The following MAGI2 variants were observed in gnomAD, a reference collection of about 807,000 sequenced individuals.
MAGI2 encodes membrane associated guanylate kinase, WW and PDZ domain containing 2.
In MAGI2, 35 loss-of-function variants were observed where a neutral mutation model predicts 133.3. The observed-to-expected ratio is 0.26, with a 90% CI of 0.20 to 0.35. MAGI2 has a LOEUF of 0.35. MAGI2 is among the 10% of genes least tolerant of loss of function. The pLI is 1.00. For missense variants in MAGI2, 1,636 were observed against 1,863.4 expected (o/e 0.88, Z 2.25); for synonymous variants, 729 against 710.6 (o/e 1.03, Z -0.41).
chr7:78,087,287 C>T (rs1048246255), intron 20 of MAGI2, among the ~76,000 whole-genome samples: 4 of 152,128 alleles, frequency 2.6e-5, no homozygotes, highest in East Asian at 3.9e-4. Flanking sequence ...ATCTTTTTGG[C>T]TGTATGCTCC....
At chr7:78,790,601 T>G (rs978557123) in intron 2 of MAGI2, among the ~76,000 whole-genome samples, 12 of 152,040 alleles carry the variant, frequency 7.9e-5, no homozygotes, top group African/African-American at 1.2e-4. Context: ...GCCCAGCTAA[T>G]TTTTGTATTT....
chr7:78,506,266 A>T (rs1261795133), intron 4 of MAGI2, among the ~76,000 whole-genome samples: 1 of 152,144 alleles, frequency 6.6e-6, no homozygotes, highest in Non-Finnish European at 1.5e-5. Flanking sequence ...CTGAGATTGG[A>T]AACAGGGAAG....
chr7:79,232,185 T>C (rs1831430683), intron 1 of MAGI2, among the ~76,000 whole-genome samples: 1 of 152,196 alleles, frequency 6.6e-6, no homozygotes, highest in Non-Finnish European at 1.5e-5. Context: ...TGCTGCTGGA[T>C]TCAGCTTGCC....
chr7:79,048,276 C>T (rs755928463), intron 1 of MAGI2, among the ~76,000 whole-genome samples: 13 of 152,108 alleles, frequency 8.5e-5, no homozygotes, highest in Admixed American at 8.5e-4. Context: ...TTAGAAAACA[C>T]ATTAAATTCC....
intron 9 of MAGI2, among the ~76,000 whole-genome samples, chr7:78,257,994 A>C (rs1206504137): frequency 6.6e-6 from 1 of 152,222 alleles, no homozygotes; most frequent in African/African-American, 2.4e-5. Context: ...GGTGTATAAC[A>C]TAAAATGAAT....
chr7:79,077,898 C>T (rs183805120), intron 1 of MAGI2, among the ~76,000 whole-genome samples: 2 of 151,982 alleles, frequency 1.3e-5, no homozygotes, highest in East Asian at 1.9e-4. Flanking sequence ...CTTATGTGAA[C>T]GTCATTGCAT....
At chr7:79,096,501 T>C (rs867478490) in intron 1 of MAGI2, among the ~76,000 whole-genome samples, 1 of 152,156 alleles carries the variant, frequency 6.6e-6, no homozygotes, top group Non-Finnish European at 1.5e-5. Flanking sequence ...ACAAAGAGCA[T>C]TTCCTTCTTT....
intron 1 of MAGI2, among the ~76,000 whole-genome samples, chr7:79,021,108 G>A (rs2116692289): frequency 6.6e-6 from 1 of 152,364 alleles, no homozygotes; most frequent in African/African-American, 2.4e-5. Flanking sequence ...GTCAAGAAAT[G>A]AGGTTGGGGA....
At chr7:78,112,500 A>G (rs554314963) in intron 20 of MAGI2, among the ~76,000 whole-genome samples, 113 of 152,376 alleles carry the variant, frequency 7.4e-4, no homozygotes, top group African/African-American at 2.6e-3. Flanking sequence ...TTATAAAAAA[A>G]GCTGACTGCG....
chr7:78,119,488 G>A (rs1018957478), intron 20 of MAGI2, among the ~76,000 whole-genome samples: 1 of 150,570 alleles, frequency 6.6e-6, no homozygotes, highest in African/African-American at 2.4e-5. Flanking sequence ...TTGAACCTGG[G>A]AGGCGGAGGT....
At chr7:78,302,820 C>G (rs914260102) in intron 9 of MAGI2, among the ~76,000 whole-genome samples, 1 of 152,178 alleles carries the variant, frequency 6.6e-6, no homozygotes, top group African/African-American at 2.4e-5. Context: ...CCCAATTCAG[C>G]TGATGGCAAC....
intron 1 of MAGI2, among the ~76,000 whole-genome samples, chr7:79,014,814 T>A (rs552839843): frequency 2.0e-5 from 3 of 152,310 alleles, no homozygotes; most frequent in South Asian, 4.1e-4. Flanking sequence ...AATATCTAGA[T>A]AATTTAGCAG....
intron 6 of MAGI2, among the ~76,000 whole-genome samples, chr7:78,438,061 C>T (rs1049518358): frequency 2.0e-5 from 3 of 152,044 alleles, no homozygotes; most frequent in African/African-American, 7.2e-5. Context: ...TCCCTTCATC[C>T]TTGGTGGCAG....
At chr7:78,466,328 C>T (rs2151525992) in intron 6 of MAGI2, among the ~76,000 whole-genome samples, 1 of 152,312 alleles carries the variant, frequency 6.6e-6, no homozygotes, top group East Asian at 1.9e-4. Context: ...TTCTGTGTCC[C>T]ATTCCACTTT....
intron 1 of MAGI2, among the ~76,000 whole-genome samples, chr7:79,330,116 G>A (rs1214303797): frequency 6.9e-6 from 1 of 145,154 alleles, no homozygotes; most frequent in East Asian, 2.2e-4. Flanking sequence ...AACTAAACGT[G>A]CCATGAAGAA....
At chr7:78,302,668 G>A (rs1470201424) in intron 9 of MAGI2, among the ~76,000 whole-genome samples, 1 of 152,124 alleles carries the variant, frequency 6.6e-6, no homozygotes, top group Non-Finnish European at 1.5e-5. Context: ...ACTGCCCCTG[G>A]TGCTGAGGCC....
At chr7:78,859,480 A>G (rs369193684) in intron 2 of MAGI2, among the ~76,000 whole-genome samples, 23 of 152,166 alleles carry the variant, frequency 1.5e-4, no homozygotes, top group East Asian at 1.2e-3. Flanking sequence ...AAAGGATTTT[A>G]TTTCTCCTTC....
intron 3 of MAGI2, among the ~76,000 whole-genome samples, chr7:78,588,198 T>A (rs1803619587): frequency 6.6e-6 from 1 of 152,220 alleles, no homozygotes; most frequent in Non-Finnish European, 1.5e-5. Context: ...CGACACTTTA[T>A]CATCTTTGTT....
chr7:78,759,297 A>G (rs1176323062), intron 2 of MAGI2, among the ~76,000 whole-genome samples: 1 of 152,218 alleles, frequency 6.6e-6, no homozygotes, highest in East Asian at 1.9e-4. Context: ...TTATTTGTAT[A>G]GAAATATAAA....
Sources: allele counts gnomAD v4.1 joint callset (sites outside exome capture counted in the v4.1 genomes callset), GRCh38; gene constraint gnomAD v4.1.1; transcripts MANE v1.5; gene names NCBI Gene and HGNC (gene_info 2026-07-23, HGNC 2026-07-21).